Variants in CHIC2 observed in about 807,000 individuals in gnomAD.
CHIC2 encodes cysteine-rich hydrophobic domain-containing protein 2.
CHIC2 carries 14 observed loss-of-function variants against 25.9 expected under a neutral mutation model. The observed-to-expected ratio is 0.54, with a 90% CI of 0.36 to 0.85. CHIC2 has a LOEUF of 0.85. CHIC2 is among the 40% of genes least tolerant of loss of function. The probability of loss-of-function intolerance (pLI) is 0.01; values close to 1 mark genes in which losing one functional copy is unlikely to be tolerated. For synonymous variants in CHIC2, 70 were observed against 72.0 expected, an observed-to-expected ratio of 0.97 and a Z score of 0.14; for missense variants, 146 against 202.0, an observed-to-expected ratio of 0.72 and a Z score of 1.68.
intron 3 of CHIC2, among the ~76,000 whole-genome samples, chr4:54,045,808 G>A (rs1191228017): frequency 6.6e-6 from 1 of 151,398 alleles, no homozygotes; most frequent in East Asian, 1.9e-4. Flanking sequence ...AGGGCAATCA[G>A]GCAGGAGAAG....
intron 3 of CHIC2, among the ~76,000 whole-genome samples, chr4:54,046,838 A>C (rs1038302743): frequency 1.6e-4 from 24 of 152,372 alleles, no homozygotes; most frequent in African/African-American, 5.3e-4. Flanking sequence ...ACAGCAAAAG[A>C]AACTACCATC....
intron 3 of CHIC2, among the ~76,000 whole-genome samples, chr4:54,031,079 G>A (rs1716214870): frequency 6.6e-6 from 1 of 151,116 alleles, no homozygotes; most frequent in Non-Finnish European, 1.5e-5. Context: ...ATAGTTTATA[G>A]ACCTACAAAG....
At chr4:54,077,109 A>G in the CHIC2 span, among the ~76,000 whole-genome samples, 4 of 152,244 alleles carry the variant, frequency 2.6e-5, no homozygotes, top group African/African-American at 9.6e-5. Flanking sequence ...AATATATGAC[A>G]AGTACTCAAC....
chr4:54,050,080 T>C (rs986199785), intron 1 of CHIC2, among the ~76,000 whole-genome samples: 3 of 152,138 alleles, frequency 2.0e-5, no homozygotes, highest in Non-Finnish European at 4.4e-5. Context: ...AGTCTACCAG[T>C]ACTTGGAGAA....
the CHIC2 span, chr4:54,087,102 G>C: frequency 5.2e-6 from 5 of 957,322 alleles, no homozygotes; most frequent in South Asian, 6.4e-5. Flanking sequence ...ATGTGGGGTC[G>C]CTCTGCAGAG....
At chr4:54,054,979 G>C (rs1717128594) in intron 1 of CHIC2, among the ~76,000 whole-genome samples, 1 of 152,128 alleles carries the variant, frequency 6.6e-6, no homozygotes, top group Admixed American at 6.5e-5. Flanking sequence ...ACATTAAAAG[G>C]ACTCTGAAGG....
intron 3 of CHIC2, among the ~76,000 whole-genome samples, chr4:54,042,581 T>C (rs187168798): frequency 1.3e-5 from 2 of 152,234 alleles, no homozygotes; most frequent in East Asian, 3.9e-4. Context: ...TCTTAGGATT[T>C]TCTGGGTTAC....
intron 1 of CHIC2, among the ~76,000 whole-genome samples, chr4:54,058,732 G>T (rs1397755796): frequency 6.6e-6 from 1 of 152,126 alleles, no homozygotes; most frequent in Non-Finnish European, 1.5e-5. Context: ...AGCTATTAGA[G>T]ATTTGAAAGA....
chr4:54,054,162 G>C (rs867299868), intron 1 of CHIC2, among the ~76,000 whole-genome samples: 1 of 152,132 alleles, frequency 6.6e-6, no homozygotes, highest in Non-Finnish European at 1.5e-5. Context: ...GTATTAACTA[G>C]GTATTTTAAG....
chr4:54,034,404 CA>C (rs34526100), intron 3 of CHIC2, among the ~76,000 whole-genome samples: 58,468 of 145,186 alleles, frequency 0.4, 12,358 homozygotes, highest in African/African-American at 0.56. Flanking sequence ...AACTCTGTCT[CA>C]AAAAAAAAAA....
At position 54,014,099 on chromosome 4, in the gene CHIC2, C is replaced by T; in HGVS notation, c.351G>A (p.Lys117=). Reference sequence around the variant, plus strand: ...ACCTATTGTTTTCCCATTCTAATAACTTCTCAATCGATCTTCGTGTCTGGA... The same window carrying T: ...ACCTATTGTTTTCCCATTCTAATAATTTCTCAATCGATCTTCGTGTCTGGA... ...LSKRTRRSIE[K]LLEWENNRLY... is the part of the protein sequence containing the mutation. Residue 117 remains lysine, a synonymous_variant, in exon 4 of 6, where the codon AAG becomes AAA. Transcript: ENST00000263921. 3.7e-6 allele frequency: 6 copies of T among 1,613,360 alleles called. No homozygotes were observed. Among genetic ancestry groups the T allele is most frequent in the African/African-American group, 1.3e-5 (1 of 74,992 alleles).
At chr4:54,081,435 T>G in the CHIC2 span, among the ~76,000 whole-genome samples, 1 of 152,016 alleles carries the variant, frequency 6.6e-6, no homozygotes, top group Non-Finnish European at 1.5e-5. Flanking sequence ...TGAATGATAC[T>G]TATTATCGCT....
chr4:54,031,618 T>C (rs1478282278), intron 3 of CHIC2, among the ~76,000 whole-genome samples: 3 of 138,026 alleles, frequency 2.2e-5, no homozygotes, highest in Admixed American at 7.1e-5. Flanking sequence ...TTGCTTTTTT[T>C]TTTTTTTTTT....
At chr4:54,027,835 G>A (rs1234620955) in intron 3 of CHIC2, among the ~76,000 whole-genome samples, 1 of 152,138 alleles carries the variant, frequency 6.6e-6, no homozygotes, top group Non-Finnish European at 1.5e-5. Context: ...TTTACCAGAA[G>A]TCATGTAAAC....
At chr4:54,020,207 A>C (rs1715856841) in intron 3 of CHIC2, among the ~76,000 whole-genome samples, 1 of 152,104 alleles carries the variant, frequency 6.6e-6, no homozygotes, top group Non-Finnish European at 1.5e-5. Context: ...ATACTCCACC[A>C]CTGTGATTTG....
intron 3 of CHIC2, among the ~76,000 whole-genome samples, chr4:54,018,539 A>T (rs1308348316): frequency 6.6e-6 from 1 of 152,074 alleles, no homozygotes; most frequent in Non-Finnish European, 1.5e-5. Context: ...TTTAATCACA[A>T]TCAATTGTTT....
At chr4:54,064,722 C>A, upstream of CHIC2, 3 of 903,426 alleles carry the variant, frequency 3.3e-6, no homozygotes, top group Non-Finnish European at 4.0e-6. The surrounding 1 kb of genome is among the most constrained non-coding windows in gnomAD (Gnocchi z 4.2). Flanking sequence ...GACTGGCTGG[C>A]GGGCGGGCGG....
chr4:54,043,916 G>A (rs1024019416), intron 3 of CHIC2, among the ~76,000 whole-genome samples: 15 of 152,082 alleles, frequency 9.9e-5, no homozygotes, highest in South Asian at 4.2e-4. Context: ...CACATCTCAC[G>A]TGCAGAGACA....
chr4:54,024,730 C>T (rs1716004044), intron 3 of CHIC2, among the ~76,000 whole-genome samples: 1 of 152,102 alleles, frequency 6.6e-6, no homozygotes, highest in Admixed American at 6.5e-5. Flanking sequence ...TATGCTGAAC[C>T]CCCTTAGGCA....
Sources: gnomAD v4.1 joint callset for allele counts (sites outside exome capture counted in the v4.1 genomes callset) on GRCh38, gnomAD v4.1.1 for gene constraint, Gnocchi (gnomAD v3.1) non-coding constraint, MANE v1.5 for transcripts, NCBI Gene and HGNC (gene_info 2026-07-23, HGNC 2026-07-21) for gene names.